LATS2: variants seen among roughly 807,000 people sequenced by gnomAD.
The protein encoded by LATS2 is large tumor suppressor kinase 2, also known as serine/threonine-protein kinase LATS2.
In LATS2, 24 loss-of-function variants were observed where a neutral mutation model predicts 76.0. The observed-to-expected ratio is 0.32, with a 90% CI of 0.23 to 0.44. LATS2 has a LOEUF of 0.44. LATS2 is among the 20% of genes least tolerant of loss of function. LATS2 has a pLI of 1.00. For synonymous variants in LATS2, 692 were observed against 635.4 expected (o/e 1.09, Z -1.34); for missense variants, 1,286 against 1,481.2 (o/e 0.87, Z 2.16).
intron 1 of LATS2, among the ~76,000 whole-genome samples, chr13:21,051,520 A>C (rs911046859): frequency 5.9e-5 from 9 of 152,218 alleles, no homozygotes; most frequent in Admixed American, 2.0e-4. Context: ...CTGATATGAA[A>C]GATGAGCCCA....
chr13:21,048,785 C>T (rs1265546815), intron 1 of LATS2, among the ~76,000 whole-genome samples: 1 of 151,602 alleles, frequency 6.6e-6, no homozygotes. Context: ...TGCAGTGAGC[C>T]GAGATCGCAC....
chr13:20,986,498 T>C (rs1224119095), intron 4 of LATS2, among the ~76,000 whole-genome samples: 4 of 152,178 alleles, frequency 2.6e-5, no homozygotes, highest in Non-Finnish European at 4.4e-5. Flanking sequence ...GGTCATTATG[T>C]TAAGTGAAAT....
chr13:21,003,074 T>A (rs1343894643), intron 2 of LATS2, among the ~76,000 whole-genome samples: 3 of 152,118 alleles, frequency 2.0e-5, no homozygotes, highest in Admixed American at 6.5e-5. Flanking sequence ...GCTGTTAAGA[T>A]CATCAAGTTT....
intron 1 of LATS2, among the ~76,000 whole-genome samples, chr13:21,052,080 C>G (rs1565967002): frequency 1.3e-5 from 2 of 152,144 alleles, no homozygotes; most frequent in Non-Finnish European, 2.9e-5. Flanking sequence ...TGTCACTTAA[C>G]CTTGCTGAGT....
rs1869542128 is a variant in LATS2 at position 20,975,169 on chromosome 13, C to T, written c.2968G>A (p.Val990Ile). The T allele has an allele frequency of 6.2e-7, 1 of 1,614,106 alleles. No homozygotes were observed. The highest frequency in any genetic ancestry group is 1.3e-5 in the African/African-American group (1 of 75,028). ...TCCATGGGGTGGCTGATGGTGGGAA[C>T]GTAGGGGGCTGGCTGCTTCCGGATG... ...SDIRKQPAPYVPTISHPMDTS... is the reference protein window; with the variant it reads ...SDIRKQPAPYIPTISHPMDTS... Residue 990 changes from valine (V) to isoleucine (I), a missense_variant, in exon 8 of 8, where the codon GTT (valine) becomes ATT (isoleucine). Physicochemically the swap from Val to Ile is conservative, Grantham distance 29 (BLOSUM62 3). Transcript: ENST00000382592.
intron 1 of LATS2, among the ~76,000 whole-genome samples, chr13:21,053,486 T>C (rs1356608986): frequency 6.6e-6 from 1 of 152,080 alleles, no homozygotes; most frequent in Non-Finnish European, 1.5e-5. Flanking sequence ...CTCCCAGGCA[T>C]GTGCACACAG....
At position 20,974,692 on chromosome 13, in the gene LATS2, C is replaced by A; in HGVS notation, c.*178G>T. 1.6e-6 allele frequency: 1 copy of A among 626,228 alleles called. No individual in the cohort carries two copies. Among genetic ancestry groups the A allele is most frequent in the South Asian group, 2.1e-5 (1 of 46,598 alleles). 38.8% of individuals were successfully genotyped at this position (626,228 alleles called of 1,614,324 possible). On this transcript the variant is annotated 3_prime_UTR_variant, in exon 8 of 8. Transcript: ENST00000382592. ...AAGCCTATTGAAAGCGATGCTGAGT[C>A]CTGTTTTCAAAAGTGTCCTGTTTGG...
intron 2 of LATS2, among the ~76,000 whole-genome samples, chr13:21,007,182 T>C (rs1159518350): frequency 6.6e-6 from 1 of 152,122 alleles, no homozygotes; most frequent in African/African-American, 2.4e-5. Flanking sequence ...ATACATATTA[T>C]GGGTTTAATT....
chr13:20,988,817 G>C lies in LATS2; in HGVS notation c.963C>G (p.Ala321=), dbSNP rs773522644. The change falls in exon 4 of 8, where the codon GCC becomes GCG. Residue 321 remains alanine, a synonymous_variant. Transcript: ENST00000382592. ...CATGCAGCTGGTGGGCCGCGGGACC[G>C]GCCTGCTTGTGGTGTGGGTGCGGCA... ...LYVPHPHHKQ[A]GPAAHQLHVL... 3 of 1,596,986 alleles carry C rather than the reference G, an allele frequency of 1.9e-6. No individual in the cohort carries two copies. The highest frequency in any genetic ancestry group is 1.3e-5 in the African/African-American group (1 of 74,832).
chr13:20,997,766 A>G (rs1267077693), intron 2 of LATS2, among the ~76,000 whole-genome samples: 3 of 152,228 alleles, frequency 2.0e-5, no homozygotes, highest in African/African-American at 7.2e-5. Flanking sequence ...CTCAGCTCTT[A>G]GCAAGGCAGG....
intron 2 of LATS2, among the ~76,000 whole-genome samples, chr13:21,025,755 C>T (rs1595243501): frequency 6.6e-6 from 1 of 152,274 alleles, no homozygotes; most frequent in Non-Finnish European, 1.5e-5. Context: ...GGTCTCCTGT[C>T]CTCTGCACGG....
chr13:21,017,174 T>C (rs776232474), intron 2 of LATS2, among the ~76,000 whole-genome samples: 1 of 152,154 alleles, frequency 6.6e-6, no homozygotes, highest in Non-Finnish European at 1.5e-5. Context: ...CACAGTGAAA[T>C]AAAACGGACG....
chr13:21,022,738 G>A (rs537064203), intron 2 of LATS2, among the ~76,000 whole-genome samples: 1 of 152,316 alleles, frequency 6.6e-6, no homozygotes, highest in Non-Finnish European at 1.5e-5. Flanking sequence ...GGCCAATTTA[G>A]ATATGAGAGT....
intron 2 of LATS2, among the ~76,000 whole-genome samples, chr13:20,997,401 C>A (rs1301013134): frequency 6.6e-6 from 1 of 152,288 alleles, no homozygotes; most frequent in East Asian, 1.9e-4. Flanking sequence ...GAAAGGACTG[C>A]AAAAGAGGCA....
intron 1 of LATS2, among the ~76,000 whole-genome samples, chr13:21,055,225 T>A (rs1478778405): frequency 1.3e-5 from 2 of 152,224 alleles, no homozygotes; most frequent in East Asian, 3.8e-4. Context: ...CATATTACTA[T>A]ACCATTTTAA....
At chr13:20,990,196 A>G (rs1870444181) in intron 3 of LATS2, among the ~76,000 whole-genome samples, 1 of 152,202 alleles carries the variant, frequency 6.6e-6, no homozygotes, top group Non-Finnish European at 1.5e-5. Flanking sequence ...CACCAAAGGC[A>G]AGTGCAGAGG....
intron 2 of LATS2, chr13:21,023,023 C>G (rs894953918): frequency 8.5e-5 from 13 of 152,220 alleles, no homozygotes; most frequent in Non-Finnish European, 1.3e-4. Context: ...GGAAGCCACC[C>G]TCACCCTCTA....
intron 2 of LATS2, among the ~76,000 whole-genome samples, chr13:21,003,779 T>C (rs994530402): frequency 3.3e-5 from 5 of 151,684 alleles, no homozygotes; most frequent in African/African-American, 9.7e-5. Context: ...GGTTTCACCA[T>C]GTTGCCTAGG....
Position 21,017,653 on chromosome 13 carries a change from G to T in LATS2, c.343-26249C>A, listed in dbSNP as rs540327214. ...TTTTTTTTTTTGTTTTTGAGATGGA[G>T]TCTCACTCTGTCACCCAGGCTGGGG... is the stretch of plus-strand genomic sequence containing the variant. On this transcript the variant is annotated intron_variant, in intron 2 of 7. Transcript: ENST00000382592. Among the ~76,000 whole-genome samples, 5 of 149,240 alleles carry T rather than the reference G, an allele frequency of 3.4e-5. No homozygotes were observed. In the East Asian group the frequency reaches 9.7e-4, roughly 29 times the overall value.
Sources: gnomAD v4.1 joint callset for allele counts (sites outside exome capture counted in the v4.1 genomes callset) on GRCh38, gnomAD v4.1.1 for gene constraint, MANE v1.5 for transcripts, NCBI Gene and HGNC (gene_info 2026-07-23, HGNC 2026-07-21) for gene names.